PRKCB: variants seen among roughly 807,000 people sequenced by gnomAD.
PRKCB encodes the protein protein kinase C beta type.
PRKCB carries 13 observed loss-of-function variants against 81.5 expected under a neutral mutation model. The observed-to-expected ratio is 0.16, with a 90% CI of 0.10 to 0.25. The LOEUF (loss-of-function observed/expected upper bound fraction) is 0.25, where lower values mean the gene tolerates loss of function less well. Among genes scored for constraint, PRKCB ranks in the 10% least tolerant of loss-of-function variants. The pLI, the probability that PRKCB is intolerant of heterozygous loss-of-function variation, is 1.00. For synonymous variants in PRKCB, 335 were observed against 321.4 expected, an observed-to-expected ratio of 1.04 and a Z score of -0.45; for missense variants, 509 against 875.7, an observed-to-expected ratio of 0.58 and a Z score of 5.29.
chr16:24,101,857 T>C (rs1411466301), intron 7 of PRKCB, among the ~76,000 whole-genome samples: 1 of 152,208 alleles, frequency 6.6e-6, no homozygotes, highest in Non-Finnish European at 1.5e-5. Context: ...GGATAGTGTA[T>C]CAGGAGTAAG....
intron 2 of PRKCB, among the ~76,000 whole-genome samples, chr16:23,896,444 C>T (rs9925890): frequency 0.96 from 146,655 of 152,294 alleles, 70,658 homozygotes; most frequent in East Asian, 1. Context: ...TGTGTCTTCA[C>T]TGAATCTACA....
At chr16:24,015,296 A>T (rs894667857) in intron 3 of PRKCB, among the ~76,000 whole-genome samples, 1 of 152,234 alleles carries the variant, frequency 6.6e-6, no homozygotes, top group African/African-American at 2.4e-5. Flanking sequence ...ATCAAGGCTT[A>T]TATAACTCAA....
chr16:23,886,296 A>G (rs772196097), intron 2 of PRKCB, among the ~76,000 whole-genome samples: 2 of 151,638 alleles, frequency 1.3e-5, no homozygotes, highest in Admixed American at 6.6e-5. Flanking sequence ...CTTTTACTCT[A>G]GGAGACTCAG....
At chr16:23,999,238 G>A (rs1965000747) in intron 3 of PRKCB, among the ~76,000 whole-genome samples, 1 of 152,206 alleles carries the variant, frequency 6.6e-6, no homozygotes, top group African/African-American at 2.4e-5. Context: ...GAACTGGTGT[G>A]CAGCAAGTTC....
At chr16:23,900,920 G>A (rs1332031601) in intron 2 of PRKCB, among the ~76,000 whole-genome samples, 1 of 151,862 alleles carries the variant, frequency 6.6e-6, no homozygotes, top group African/African-American at 2.4e-5. Flanking sequence ...GATGGCATGT[G>A]CATTTTAAAT....
intron 2 of PRKCB, among the ~76,000 whole-genome samples, chr16:23,986,068 T>C (rs941663132): frequency 6.6e-6 from 1 of 152,070 alleles, no homozygotes; most frequent in African/African-American, 2.4e-5. Context: ...AAATTAGACA[T>C]GGATCAAAGA....
At chr16:24,088,448 T>G (rs1381180952) in intron 5 of PRKCB, among the ~76,000 whole-genome samples, 1 of 152,166 alleles carries the variant, frequency 6.6e-6, no homozygotes, top group East Asian at 1.9e-4. Flanking sequence ...CATTCTTGGC[T>G]GCACACAGTG....
intron 3 of PRKCB, among the ~76,000 whole-genome samples, chr16:23,995,905 G>A (rs4788205): frequency 0.57 from 85,793 of 151,836 alleles, 24,493 homozygotes; most frequent in South Asian, 0.77. Context: ...GAAGTGGACA[G>A]CTACAGCACT....
intron 2 of PRKCB, among the ~76,000 whole-genome samples, chr16:23,962,150 A>G (rs770249316): frequency 2.6e-5 from 4 of 152,188 alleles, no homozygotes; most frequent in Non-Finnish European, 4.4e-5. Context: ...TCCTGCCTCC[A>G]GATCTGACTC....
chr16:23,889,442 T>A (rs533410977), intron 2 of PRKCB, among the ~76,000 whole-genome samples: 38 of 152,374 alleles, frequency 2.5e-4, no homozygotes, highest in African/African-American at 9.1e-4. Flanking sequence ...TATCTAAGTG[T>A]TAGCTATTAG....
chr16:23,952,583 G>A (rs1387288075), intron 2 of PRKCB, among the ~76,000 whole-genome samples: 1 of 152,076 alleles, frequency 6.6e-6, no homozygotes, highest in Non-Finnish European at 1.5e-5. Context: ...TCTTGTGAGC[G>A]GAGCTTCCTG....
intron 2 of PRKCB, among the ~76,000 whole-genome samples, chr16:23,853,614 C>A (rs568029485): frequency 6.6e-6 from 1 of 152,298 alleles, no homozygotes; most frequent in South Asian, 2.1e-4. Flanking sequence ...GGTGATGTAT[C>A]TAGTTTTATC....
At chr16:24,133,216 CA>C (rs942294987) in intron 9 of PRKCB, among the ~76,000 whole-genome samples, 22 of 150,688 alleles carry the variant, frequency 1.5e-4, no homozygotes, top group African/African-American at 3.9e-4. Flanking sequence ...AAGCAAAAAA[CA>C]AAAAAAAATT....
chr16:24,172,341 G>T lies in PRKCB; in HGVS notation c.1311G>T (p.Arg437=). The T allele has an allele frequency of 1.2e-6, 2 of 1,613,902 alleles. No individual in the cohort carries two copies. The highest frequency in any genetic ancestry group is 8.5e-7 in the Non-Finnish European group (1 of 1,179,932). The change falls in exon 11 of 17, where the codon CGG becomes CGT. Residue 437 remains arginine, a synonymous_variant. Transcript: ENST00000643927. ...DLMYHIQQVG[R]FKEPHAVFYA... ...TGTATCACATCCAGCAAGTCGGCCG[G>T]TTCAAGGAGCCCCATGCTGTGTAAG...
intron 7 of PRKCB, among the ~76,000 whole-genome samples, chr16:24,107,827 C>A (rs1161553622): frequency 6.6e-6 from 1 of 152,208 alleles, no homozygotes; most frequent in Non-Finnish European, 1.5e-5. Context: ...GTTGGGGCAC[C>A]TTTTATGGAT....
At chr16:23,879,046 C>T (rs1349984892) in intron 2 of PRKCB, among the ~76,000 whole-genome samples, 5 of 152,096 alleles carry the variant, frequency 3.3e-5, no homozygotes, top group African/African-American at 1.2e-4. Context: ...GGCGTGGTGG[C>T]ACGCGCCTGT....
chr16:23,962,277 T>C (rs967842349), intron 2 of PRKCB, among the ~76,000 whole-genome samples: 3 of 152,124 alleles, frequency 2.0e-5, no homozygotes, highest in Non-Finnish European at 4.4e-5. Context: ...CCCACCTGGT[T>C]TCGCTCCCTA....
At chr16:24,115,322 T>C (rs1016031519) in intron 8 of PRKCB, among the ~76,000 whole-genome samples, 1 of 144,424 alleles carries the variant, frequency 6.9e-6, no homozygotes, top group Non-Finnish European at 1.6e-5. Context: ...AAAGTATTTA[T>C]CCCAATGATT....
intron 2 of PRKCB, among the ~76,000 whole-genome samples, chr16:23,849,985 C>T (rs1962445941): frequency 6.6e-6 from 1 of 152,148 alleles, no homozygotes; most frequent in Non-Finnish European, 1.5e-5. Context: ...TCCCTCATCC[C>T]AGATTCTGGT....
Sources: gnomAD v4.1 joint callset for allele counts (sites outside exome capture counted in the v4.1 genomes callset) on GRCh38, gnomAD v4.1.1 for gene constraint, MANE v1.5 for transcripts, NCBI Gene and HGNC (gene_info 2026-07-23, HGNC 2026-07-21) for gene names.